LRRIQ1: variants seen among roughly 807,000 people sequenced by gnomAD.
LRRIQ1 encodes leucine-rich repeat- and IQ domain-containing protein 1.
Under a neutral mutation model 211.9 loss-of-function variants are expected in LRRIQ1, and 210 were observed. That is an observed-to-expected ratio of 0.99 (90% CI 0.89 to 1.11). The LOEUF (loss-of-function observed/expected upper bound fraction) is 1.11. LRRIQ1 is among the 50% of genes most tolerant of loss of function. LRRIQ1 has a pLI of 0.00. For synonymous variants in LRRIQ1, 699 were observed against 650.1 expected, an observed-to-expected ratio of 1.08 and a Z score of -1.14; for missense variants, 2,136 against 1,939.5, an observed-to-expected ratio of 1.10 and a Z score of -1.90.
Position 85,062,779 on chromosome 12 carries a change from C to T in LRRIQ1, c.2392-2483C>T, listed in dbSNP as rs112420455. Among the ~76,000 whole-genome samples the T allele has an allele frequency of 1.8e-3, 275 of 151,674 alleles. 2 individuals are homozygous for T. Among genetic ancestry groups the T allele is most frequent in the African/African-American group, 6.5e-3 (269 of 41,422 alleles). ...TTAGTTCTTTGAAAAATCTCCAAAC[C>T]GCTTTCCACAGTGGCTTAACTAATT... On this transcript the variant is annotated intron_variant, in intron 8 of 26. Coordinates refer to ENST00000393217, the MANE Select transcript of LRRIQ1 (RefSeq NM_001079910.2).
chr12:85,174,930 C>T (rs560892447), intron 24 of LRRIQ1, among the ~76,000 whole-genome samples: 1 of 151,992 alleles, frequency 6.6e-6, no homozygotes, highest in African/African-American at 2.4e-5. Flanking sequence ...TGAAACGAAC[C>T]TCAAAGTCCT....
At position 85,153,068 on chromosome 12, in the gene LRRIQ1, A is replaced by G. The variant is rs767916607; in HGVS notation, c.4464A>G (p.Pro1488=). The G allele has an allele frequency of 9.5e-6, 15 of 1,586,366 alleles. No homozygotes were observed. In the South Asian group the frequency reaches 1.5e-4, roughly 16 times the overall value. The change falls in exon 21 of 27, where the codon CCA becomes CCG. Residue 1488 remains proline, a synonymous_variant. Transcript: ENST00000393217. ...GGGATGATACTTCATTTAATTTACC[A>G]AGTAATCCAGCTCAAGCATGGTTAT... ...LKWDDTSFNL[P]SNPAQAWLCN...
chr12:85,046,209 G>A (rs1879560047), intron 5 of LRRIQ1, 72 bp downstream of exon 5: 1 of 844,840 alleles, frequency 1.2e-6, no homozygotes, highest in Non-Finnish European at 1.9e-6. Context: ...AAAAAAATTG[G>A]ACAGTTGATG....
intron 26 of LRRIQ1, among the ~76,000 whole-genome samples, chr12:85,234,243 C>CA (rs1312178146): frequency 1.3e-5 from 2 of 151,812 alleles, no homozygotes; most frequent in South Asian, 2.1e-4. Context: ...TTTCAAAAAA[C>CA]AAAAAAGTTA....
chr12:85,055,467 C>T (rs1036139576), intron 7 of LRRIQ1, 80 bp from the exon 8 acceptor site: 2 of 1,140,320 alleles, frequency 1.8e-6, no homozygotes, highest in African/African-American at 3.2e-5. Flanking sequence ...TATTTGTTTT[C>T]AATCTACATT....
chr12:85,270,134 A>G, the LRRIQ1 span, among the ~76,000 whole-genome samples: 1 of 152,190 alleles, frequency 6.6e-6, no homozygotes, highest in African/African-American at 2.4e-5. Flanking sequence ...CACCATAATG[A>G]ATTTTGGAGG....
intron 11 of LRRIQ1, among the ~76,000 whole-genome samples, chr12:85,086,195 G>A (rs770197860): frequency 3.3e-5 from 5 of 152,108 alleles, no homozygotes; most frequent in African/African-American, 9.7e-5. Flanking sequence ...GTGACGCAGA[G>A]CATTTTTTTC....
intron 24 of LRRIQ1, among the ~76,000 whole-genome samples, chr12:85,165,875 G>C (rs1461208411): frequency 6.6e-6 from 1 of 152,104 alleles, no homozygotes. Context: ...TCAGGTCCCT[G>C]CTATTGTGAC....
chr12:85,057,702 A>G (rs1881295722), intron 8 of LRRIQ1, among the ~76,000 whole-genome samples: 2 of 152,090 alleles, frequency 1.3e-5, no homozygotes, highest in Admixed American at 6.5e-5. Context: ...GGTGGTGCAT[A>G]TATGTCTGAA....
intron 24 of LRRIQ1, among the ~76,000 whole-genome samples, chr12:85,218,677 A>G (rs934828166): frequency 6.6e-6 from 1 of 152,100 alleles, no homozygotes; most frequent in African/African-American, 2.4e-5. Context: ...GTCAGATTCC[A>G]GGACCTCTTG....
chr12:85,214,023 A>C (rs913926799), intron 24 of LRRIQ1, among the ~76,000 whole-genome samples: 2 of 151,982 alleles, frequency 1.3e-5, no homozygotes, highest in Non-Finnish European at 1.5e-5. Flanking sequence ...AATGCATTTG[A>C]AAATTTAGAG....
intron 24 of LRRIQ1, among the ~76,000 whole-genome samples, chr12:85,174,031 AC>A (rs1213657727): frequency 6.6e-6 from 1 of 152,036 alleles, no homozygotes; most frequent in Non-Finnish European, 1.5e-5. Context: ...AACTTTATAG[AC>A]CCCCACTCTA....
chr12:85,168,415 T>C (rs1891255164), intron 24 of LRRIQ1, among the ~76,000 whole-genome samples: 1 of 152,192 alleles, frequency 6.6e-6, no homozygotes, highest in African/African-American at 2.4e-5. Flanking sequence ...CTTGTTAGCC[T>C]ATTGACTTAG....
At chr12:85,261,765 T>TTTTA (rs375693906) in intron 1 of LRRIQ1, among the ~76,000 whole-genome samples, 13,952 of 139,556 alleles carry the variant, frequency 0.1, 751 homozygotes, top group African/African-American at 0.12. Flanking sequence ...TTTTTGTTTA[T>TTTTA]TTTATTTATT....
At chr12:85,145,734 A>G (rs1004459309) in intron 19 of LRRIQ1, among the ~76,000 whole-genome samples, 1 of 151,672 alleles carries the variant, frequency 6.6e-6, no homozygotes, top group Non-Finnish European at 1.5e-5. Flanking sequence ...TGCTCCACAG[A>G]AAGTTGTTAT....
At chr12:85,127,725 C>A in intron 17 of LRRIQ1, 107 bp from the exon 18 acceptor site, 1 of 852,364 alleles carries the variant, frequency 1.2e-6, no homozygotes, top group Non-Finnish European at 1.8e-6. Context: ...TTAAATAATA[C>A]TTTATGTGTT....
chr12:85,121,260 C>CCTA (rs1887960774), intron 15 of LRRIQ1, among the ~76,000 whole-genome samples: 1 of 152,118 alleles, frequency 6.6e-6, no homozygotes, highest in Admixed American at 6.5e-5. Context: ...TTGTTTTAGT[C>CCTA]CTACTCTCAG....
At chr12:85,146,999 G>C (rs1394798900) in intron 19 of LRRIQ1, among the ~76,000 whole-genome samples, 1 of 151,744 alleles carries the variant, frequency 6.6e-6, no homozygotes, top group African/African-American at 2.4e-5. Flanking sequence ...TTTTGGGAGA[G>C]AGCCATGCTC....
At chr12:85,239,740 G>A (rs1393545733) in intron 26 of LRRIQ1, among the ~76,000 whole-genome samples, 2 of 152,018 alleles carry the variant, frequency 1.3e-5, no homozygotes, top group Non-Finnish European at 2.9e-5. Flanking sequence ...CACTGTGGGA[G>A]GCCCAGGCAG....
Sources: gnomAD v4.1 joint callset for allele counts (sites outside exome capture counted in the v4.1 genomes callset) on GRCh38, gnomAD v4.1.1 for gene constraint, MANE v1.5 for transcripts, NCBI Gene and HGNC (gene_info 2026-07-23, HGNC 2026-07-21) for gene names.